Variants in TENM1 observed in about 807,000 individuals in gnomAD.
The protein encoded by TENM1 is teneurin transmembrane protein 1.
TENM1 carries 35 observed loss-of-function variants against 174.8 expected under a neutral mutation model. The ratio of observed to expected loss-of-function variants is 0.20; its 90% confidence interval spans 0.15 to 0.27. TENM1 has a LOEUF of 0.27. Among genes scored for constraint, TENM1 ranks in the 10% least tolerant of loss-of-function variants. TENM1 has a pLI of 1.00. For synonymous variants in TENM1, 781 were observed against 798.7 expected (o/e 0.98, Z 0.37); for missense variants, 1,633 against 2,130.1 (o/e 0.77, Z 4.59).
At chrX:125,138,234 G>A in the TENM1 span, among the ~76,000 whole-genome samples, 1 of 101,798 alleles carries the variant, frequency 9.8e-6, no homozygotes, top group African/African-American at 3.8e-5. Flanking sequence ...CAGGGAGACA[G>A]CACGGGCTCA....
rs1417451224 is a variant in TENM1, at chrX:124,797,445, G to A, written c.536-60248C>T. ...GTCCATCCAGATATAAAATTACTATGATGAGGCTGAAGGATTAAAATACTG... is the reference window on the plus strand; with the variant it reads ...GTCCATCCAGATATAAAATTACTATAATGAGGCTGAAGGATTAAAATACTG... On this transcript the variant is annotated intron_variant, in intron 3 of 31. Coordinates refer to ENST00000422452, the Ensembl canonical transcript of TENM1. Among the ~76,000 whole-genome samples the A allele has an allele frequency of 4.5e-5, 5 of 111,408 alleles. No individual in the cohort carries two copies. In the East Asian group the frequency reaches 1.4e-3, roughly 32 times the overall value.
the TENM1 span, among the ~76,000 whole-genome samples, chrX:125,037,800 A>G: frequency 4.5e-5 from 5 of 111,383 alleles, no homozygotes; most frequent in Non-Finnish European, 9.5e-5. Flanking sequence ...CTTTCCTCAT[A>G]AATTAGTCTC....
the TENM1 span, among the ~76,000 whole-genome samples, chrX:125,022,794 A>G: frequency 1.8e-5 from 2 of 111,951 alleles, no homozygotes; most frequent in African/African-American, 6.5e-5. Flanking sequence ...TGATAAACTT[A>G]GGGCTACATT....
chrX:124,591,096 A>G (rs12558354), intron 11 of TENM1, among the ~76,000 whole-genome samples: 1,462 of 111,181 alleles, frequency 0.013, 27 homozygotes, highest in Admixed American at 0.063. Flanking sequence ...TCTTTCTCCA[A>G]CCCTTAACTT....
chrX:124,948,159 A>G, intron 1 of TENM1, among the ~76,000 whole-genome samples: 1 of 112,424 alleles, frequency 8.9e-6, no homozygotes. Context: ...TAATGATAGT[A>G]ACTGAAGTAA....
chrX:124,952,462 A>C (rs2058505892), intron 1 of TENM1, among the ~76,000 whole-genome samples: 1 of 110,436 alleles, frequency 9.1e-6, no homozygotes, highest in Non-Finnish European at 1.9e-5. Flanking sequence ...TGACCATCTC[A>C]TTTATCAAAA....
intron 3 of TENM1, among the ~76,000 whole-genome samples, chrX:124,872,683 A>G (rs1348489453): frequency 1.8e-5 from 2 of 112,197 alleles, no homozygotes; most frequent in Non-Finnish European, 3.8e-5. Flanking sequence ...TATTAATATG[A>G]AAAGTTTGAA....
the TENM1 span, among the ~76,000 whole-genome samples, chrX:125,134,354 C>T: frequency 8.9e-6 from 1 of 112,061 alleles, no homozygotes; most frequent in Admixed American, 9.4e-5. Context: ...GACATGGCTA[C>T]CTGTTTTGAA....
rs142638901 is a variant in TENM1, at chrX:124,609,993, T to C, written c.2077+31798A>G. ...AGTACCATGTTGTGATCGCTGTGGG[T>C]GACCAGAAGACAATAATTGATATTT... On this transcript the variant is annotated intron_variant, in intron 11 of 31. Coordinates refer to ENST00000422452, the Ensembl canonical transcript of TENM1. Among the ~76,000 whole-genome samples the C allele has an allele frequency of 9.1e-3, 1,019 of 111,896 alleles. 7 individuals carry two copies. The highest frequency in any genetic ancestry group is 0.015 in the Non-Finnish European group (807 of 53,030).
chrX:124,823,097 A>G (rs1307094489), intron 3 of TENM1, among the ~76,000 whole-genome samples: 1 of 112,056 alleles, frequency 8.9e-6, no homozygotes, highest in Non-Finnish European at 1.9e-5. Context: ...TAGGCTAAGT[A>G]CTATTTTGAG....
chrX:124,993,554 G>C, the TENM1 span, among the ~76,000 whole-genome samples: 2 of 109,887 alleles, frequency 1.8e-5, no homozygotes, highest in African/African-American at 6.6e-5. Context: ...CCCTACCCCC[G>C]CACGAATATT....
chrX:124,416,020 C>A (rs189106583), intron 25 of TENM1, among the ~76,000 whole-genome samples: 3 of 111,662 alleles, frequency 2.7e-5, no homozygotes, highest in African/African-American at 9.8e-5. Context: ...CTGCTCTTTA[C>A]AGCAAAACTC....
At chrX:124,542,789 G>C (rs748311658) in intron 15 of TENM1, among the ~76,000 whole-genome samples, 18 of 111,253 alleles carry the variant, frequency 1.6e-4, no homozygotes, top group Non-Finnish European at 3.4e-4. Flanking sequence ...GTGAGGCAGA[G>C]TGTATACCAA....
At chrX:124,691,770 T>G in intron 5 of TENM1, among the ~76,000 whole-genome samples, 1 of 111,916 alleles carries the variant, frequency 8.9e-6, no homozygotes. Flanking sequence ...TTCTGCTATA[T>G]CTTTCTTATT....
the TENM1 span, among the ~76,000 whole-genome samples, chrX:125,139,722 A>T: frequency 9.1e-6 from 1 of 109,458 alleles, no homozygotes; most frequent in African/African-American, 3.3e-5. Flanking sequence ...TAACCCTTAT[A>T]ATCTACTCAA....
chrX:125,170,461 T>C, the TENM1 span, among the ~76,000 whole-genome samples: 2 of 111,683 alleles, frequency 1.8e-5, no homozygotes, highest in Non-Finnish European at 3.8e-5. Context: ...CAGTTTCAGA[T>C]GCATATTCAG....
At chrX:125,114,426 C>A in the TENM1 span, among the ~76,000 whole-genome samples, 2 of 99,618 alleles carry the variant, frequency 2.0e-5, no homozygotes, top group Non-Finnish European at 3.9e-5. Flanking sequence ...CACGAAAAAA[C>A]CTTCGAAAAA....
chrX:124,677,403 G>C (rs1412960231), intron 5 of TENM1, among the ~76,000 whole-genome samples: 1 of 111,460 alleles, frequency 9.0e-6, no homozygotes, highest in Non-Finnish European at 1.9e-5. Context: ...TCTGTGATTG[G>C]TAGTCAGGAA....
chrX:124,793,357 A>G (rs1343966859), intron 3 of TENM1, among the ~76,000 whole-genome samples: 2 of 111,851 alleles, frequency 1.8e-5, no homozygotes. Flanking sequence ...GTAGACTGGA[A>G]GCAGGTATCT....
Sources: allele counts gnomAD v4.1 joint callset (sites outside exome capture counted in the v4.1 genomes callset), GRCh38; gene constraint gnomAD v4.1.1; transcripts MANE v1.5; gene names NCBI Gene and HGNC (gene_info 2026-07-23, HGNC 2026-07-21).